Variants in TAF4B observed in about 807,000 individuals in gnomAD.
TAF4B encodes TATA-box binding protein associated factor 4b.
Under a neutral mutation model 86.4 loss-of-function variants are expected in TAF4B, and 38 were observed. That is an observed-to-expected ratio of 0.44 (90% CI 0.34 to 0.58). The LOEUF is 0.58. Among genes scored for constraint, TAF4B ranks in the 20% least tolerant of loss-of-function variants. TAF4B has a pLI of 0.02. For synonymous variants in TAF4B, 388 were observed against 391.2 expected, an observed-to-expected ratio of 0.99 and a Z score of 0.10; for missense variants, 988 against 1,027.6, an observed-to-expected ratio of 0.96 and a Z score of 0.53.
intron 14 of TAF4B, among the ~76,000 whole-genome samples, chr18:26,379,551 T>G (rs2057464200): frequency 6.6e-6 from 1 of 152,106 alleles, no homozygotes; most frequent in African/African-American, 2.4e-5. Flanking sequence ...TGTTTGTTTA[T>G]TTTTCTCTAT....
At chr18:26,262,102 G>T (rs1264942607) in intron 1 of TAF4B, among the ~76,000 whole-genome samples, 1 of 152,078 alleles carries the variant, frequency 6.6e-6, no homozygotes, top group African/African-American at 2.4e-5. Context: ...TCTCCTTGAA[G>T]TACAGATTTC....
intron 11 of TAF4B, 120 bp downstream of exon 11, chr18:26,321,320 G>T: frequency 2.0e-6 from 2 of 1,015,222 alleles, no homozygotes; most frequent in Non-Finnish European, 2.8e-6. Flanking sequence ...TCATATTAGT[G>T]GAAAATCAAA....
intron 14 of TAF4B, among the ~76,000 whole-genome samples, chr18:26,358,222 AT>A (rs2057303657): frequency 6.6e-6 from 1 of 152,070 alleles, no homozygotes. Context: ...TTCTGAGTAT[AT>A]GTGTTTGCAT....
intron 2 of TAF4B, chr18:26,267,274 A>G: frequency 2.9e-6 from 1 of 343,364 alleles, no homozygotes; most frequent in South Asian, 1.1e-4. Context: ...TTAGTTTGAA[A>G]TTTCAGATAA....
intron 8 of TAF4B, 87 bp downstream of exon 8, chr18:26,292,468 A>G (rs1445699854): frequency 2.8e-6 from 4 of 1,410,406 alleles, no homozygotes; most frequent in East Asian, 4.8e-5. Flanking sequence ...TGTTAAGAGA[A>G]GAGAGGTTTG....
intron 1 of TAF4B, among the ~76,000 whole-genome samples, chr18:26,238,270 A>G (rs1039681509): frequency 2.0e-5 from 3 of 152,196 alleles, no homozygotes; most frequent in Admixed American, 2.0e-4. Context: ...GATGTGCCTC[A>G]AAATGGAGTG....
intron 14 of TAF4B, among the ~76,000 whole-genome samples, chr18:26,377,447 C>T (rs2057450001): frequency 1.3e-5 from 2 of 152,124 alleles, no homozygotes; most frequent in South Asian, 2.1e-4. Flanking sequence ...CTCAGTGTTC[C>T]TTCTTAACTC....
intron 1 of TAF4B, among the ~76,000 whole-genome samples, chr18:26,249,354 T>C (rs1222745817): frequency 6.6e-6 from 1 of 152,036 alleles, no homozygotes. Context: ...TTGTGGTACA[T>C]GCCTGTAGTG....
chr18:26,320,457 T>C (rs569991884), intron 10 of TAF4B, among the ~76,000 whole-genome samples: 11 of 152,300 alleles, frequency 7.2e-5, no homozygotes, highest in African/African-American at 1.7e-4. Flanking sequence ...GGAAAGGAAA[T>C]CTAGTGAGAG....
At chr18:26,353,561 GTC>G in intron 13 of TAF4B, among the ~76,000 whole-genome samples, 1 of 152,288 alleles carries the variant, frequency 6.6e-6, no homozygotes, top group East Asian at 1.9e-4. Context: ...CGAGATTCCT[GTC>G]TCTCTTAAAG....
At chr18:26,246,782 C>T (rs2055932097) in intron 1 of TAF4B, among the ~76,000 whole-genome samples, 2 of 152,166 alleles carry the variant, frequency 1.3e-5, no homozygotes, top group Admixed American at 1.3e-4. Context: ...ATCTGCTGGC[C>T]TTGGCCTCCC....
chr18:26,261,728 C>G (rs1003029269), intron 1 of TAF4B, among the ~76,000 whole-genome samples: 1 of 152,140 alleles, frequency 6.6e-6, no homozygotes, highest in African/African-American at 2.4e-5. Context: ...TGTTCTGACC[C>G]AAGGAGGACC....
chr18:26,361,744 C>CAAA (rs112740348), intron 14 of TAF4B, among the ~76,000 whole-genome samples: 8 of 78,010 alleles, frequency 1.0e-4, no homozygotes, highest in Non-Finnish European at 1.6e-4. Flanking sequence ...GACTCCGTCT[C>CAAA]AAAAAAAAAA....
At chr18:26,316,986 A>G (rs1159990559) in intron 10 of TAF4B, among the ~76,000 whole-genome samples, 1 of 150,690 alleles carries the variant, frequency 6.6e-6, no homozygotes, top group Non-Finnish European at 1.5e-5. Flanking sequence ...TTGGTAAAAT[A>G]TAAGTAGATA....
intron 10 of TAF4B, among the ~76,000 whole-genome samples, chr18:26,316,948 C>A (rs758167390): frequency 7.9e-5 from 12 of 151,940 alleles, no homozygotes; most frequent in Non-Finnish European, 1.3e-4. Flanking sequence ...TAGCTTAACT[C>A]CTTATTGCCA....
chr18:26,341,670 G>A (rs1048114616), intron 13 of TAF4B, among the ~76,000 whole-genome samples: 5 of 151,872 alleles, frequency 3.3e-5, no homozygotes, highest in Non-Finnish European at 7.4e-5. Context: ...CAGTGTCCTG[G>A]TATCATAATA....
intron 1 of TAF4B, among the ~76,000 whole-genome samples, chr18:26,232,225 C>T (rs12963292): frequency 0.034 from 5,126 of 152,198 alleles, 125 homozygotes; most frequent in East Asian, 0.049. Context: ...AATCTCCCCC[C>T]ACCCCCGTCT....
chr18:26,374,311 C>CA (rs2057427875), intron 14 of TAF4B, among the ~76,000 whole-genome samples: 1 of 152,124 alleles, frequency 6.6e-6, no homozygotes, highest in African/African-American at 2.4e-5. Context: ...TATGAGCTTT[C>CA]AGGCTCCCAG....
intron 14 of TAF4B, among the ~76,000 whole-genome samples, chr18:26,375,654 C>G (rs1462545737): frequency 1.3e-5 from 2 of 152,146 alleles, no homozygotes; most frequent in Non-Finnish European, 2.9e-5. Context: ...TTCCTGAAGA[C>G]TAATGATGTT....
Sources: gnomAD v4.1 joint callset for allele counts (sites outside exome capture counted in the v4.1 genomes callset) on GRCh38, gnomAD v4.1.1 for gene constraint, MANE v1.5 for transcripts, NCBI Gene and HGNC (gene_info 2026-07-23, HGNC 2026-07-21) for gene names.